The following STXBP4 variants were observed in gnomAD, a reference collection of about 807,000 sequenced individuals.
STXBP4 encodes the protein syntaxin binding protein 4.
Under a neutral mutation model 76.1 loss-of-function variants are expected in STXBP4, and 55 were observed. The observed-to-expected ratio is 0.72, with a 90% confidence interval of 0.58 to 0.91. The LOEUF (loss-of-function observed/expected upper bound fraction) is 0.91. Ranked by LOEUF, STXBP4 falls within the 40% of genes least tolerant of loss-of-function variation. The pLI is 0.00. For synonymous variants in STXBP4, 201 were observed against 220.2 expected (o/e 0.91, Z 0.77); for missense variants, 618 against 636.9 (o/e 0.97, Z 0.32).
chr17:55,129,590 A>G (rs1176095951), intron 16 of STXBP4, among the ~76,000 whole-genome samples: 1 of 152,172 alleles, frequency 6.6e-6, no homozygotes, highest in Non-Finnish European at 1.5e-5. Flanking sequence ...GAAAGAAAAG[A>G]AAAGAAGGAG....
At chr17:55,033,384 T>C (rs1188199948) in intron 9 of STXBP4, among the ~76,000 whole-genome samples, 1 of 151,202 alleles carries the variant, frequency 6.6e-6, no homozygotes, top group Non-Finnish European at 1.5e-5. Context: ...AAAAAATAAA[T>C]AAATAAATAA....
intron 16 of STXBP4, among the ~76,000 whole-genome samples, chr17:55,103,597 A>T (rs1598315491): frequency 1.7e-5 from 2 of 120,796 alleles, no homozygotes; most frequent in African/African-American, 2.8e-5. Flanking sequence ...TTTGCTTAGG[A>T]TTGTCTTGGC....
chr17:54,970,306 G>T (rs931019166), intron 1 of STXBP4, among the ~76,000 whole-genome samples: 1 of 150,070 alleles, frequency 6.7e-6, no homozygotes, highest in African/African-American at 2.5e-5. Flanking sequence ...TTTTTGAAAA[G>T]ATATTGATTA....
rs1350509317 is a variant in STXBP4, at chr17:55,161,439, T to C, written c.*1528T>C. 1 of 152,250 alleles carries C rather than the reference T, an allele frequency of 6.6e-6. No individual in the cohort carries two copies. Among genetic ancestry groups the C allele is most frequent in the Non-Finnish European group, 1.5e-5 (1 of 68,044 alleles). 9.4% of individuals were successfully genotyped at this position (152,250 alleles called of 1,614,324 possible). On this transcript the variant is annotated 3_prime_UTR_variant, in exon 18 of 18. Coordinates refer to ENST00000376352, the MANE Select transcript of STXBP4 (RefSeq NM_178509.6). ...CCCCAGAGGTGAATGAGGTATTCTA[T>C]AAGTTAGTGTCTATAATTGTGAAAG...
At chr17:55,066,492 A>C (rs1422040678) in intron 12 of STXBP4, among the ~76,000 whole-genome samples, 2 of 152,098 alleles carry the variant, frequency 1.3e-5, no homozygotes, top group Non-Finnish European at 2.9e-5. Context: ...TCAAAGTGCT[A>C]GGATTACAGA....
At chr17:55,135,795 T>C (rs1280568147) in intron 16 of STXBP4, among the ~76,000 whole-genome samples, 1 of 152,122 alleles carries the variant, frequency 6.6e-6, no homozygotes, top group Non-Finnish European at 1.5e-5. Context: ...GCACAAATAA[T>C]GGATAATAAT....
intron 12 of STXBP4, among the ~76,000 whole-genome samples, chr17:55,058,491 A>C (rs1349420215): frequency 6.6e-6 from 1 of 152,116 alleles, no homozygotes; most frequent in African/African-American, 2.4e-5. Flanking sequence ...CTTTTTTGAC[A>C]GATGTAAAAG....
At chr17:55,057,726 C>T (rs1180840496) in intron 12 of STXBP4, among the ~76,000 whole-genome samples, 1 of 152,040 alleles carries the variant, frequency 6.6e-6, no homozygotes, top group Admixed American at 6.6e-5. Context: ...CCGACAGGCC[C>T]CAGTGTGTGA....
chr17:55,078,556 A>T (rs1430904251), intron 14 of STXBP4, 130 bp from the exon 15 acceptor site: 2 of 608,108 alleles, frequency 3.3e-6, no homozygotes, highest in Non-Finnish European at 5.8e-6. Context: ...AATTGTTTGC[A>T]CCCCCGCTAC....
At chr17:54,997,056 T>C (rs200061259) in intron 4 of STXBP4, among the ~76,000 whole-genome samples, 2 of 152,328 alleles carry the variant, frequency 1.3e-5, no homozygotes, top group East Asian at 3.9e-4. Flanking sequence ...AACTGCTGAA[T>C]TGGAATCTAG....
chr17:55,015,152 T>G (rs1206782553), intron 8 of STXBP4, among the ~76,000 whole-genome samples: 1 of 152,166 alleles, frequency 6.6e-6, no homozygotes, highest in Admixed American at 6.5e-5. Context: ...TCCCTTAGTC[T>G]CTCCAGAAAG....
chr17:55,202,929 T>C, the STXBP4 span, among the ~76,000 whole-genome samples: 47 of 152,192 alleles, frequency 3.1e-4, no homozygotes, highest in Non-Finnish European at 3.5e-4. Flanking sequence ...TCAGCATTCA[T>C]GTCTCCAGAA....
intron 15 of STXBP4, among the ~76,000 whole-genome samples, chr17:55,080,789 G>C (rs1240110039): frequency 1.3e-5 from 2 of 151,998 alleles, no homozygotes; most frequent in Non-Finnish European, 2.9e-5. Flanking sequence ...AATGATTTAG[G>C]AGACAGGTCA....
At chr17:55,051,680 G>T (rs138114255) in intron 12 of STXBP4, among the ~76,000 whole-genome samples, 1 of 152,152 alleles carries the variant, frequency 6.6e-6, no homozygotes, top group African/African-American at 2.4e-5. Flanking sequence ...ATGGCTTGAG[G>T]CCACAGTGTG....
intron 4 of STXBP4, among the ~76,000 whole-genome samples, chr17:54,994,709 G>T (rs757742857): frequency 3.3e-5 from 5 of 151,986 alleles, no homozygotes; most frequent in South Asian, 2.1e-4. Flanking sequence ...TGCCTGCAAG[G>T]TTCCATATAG....
chr17:55,106,056 T>A (rs1043601005), intron 16 of STXBP4, among the ~76,000 whole-genome samples: 1 of 152,118 alleles, frequency 6.6e-6, no homozygotes. Flanking sequence ...GAGAGTGGGA[T>A]GTTAAAGTCT....
intron 12 of STXBP4, among the ~76,000 whole-genome samples, chr17:55,059,942 G>C (rs560472396): frequency 6.6e-6 from 1 of 152,238 alleles, no homozygotes; most frequent in African/African-American, 2.4e-5. Context: ...TTGTAGTTTA[G>C]TGACTGAGAG....
intron 1 of STXBP4, among the ~76,000 whole-genome samples, chr17:54,984,283 C>T (rs1381484933): frequency 6.6e-6 from 1 of 151,082 alleles, no homozygotes; most frequent in Non-Finnish European, 1.5e-5. Flanking sequence ...TTTGTTCTCC[C>T]TAGAACTTTT....
chr17:55,038,576 A>G (rs570111135), intron 10 of STXBP4, among the ~76,000 whole-genome samples: 1 of 152,076 alleles, frequency 6.6e-6, no homozygotes, highest in Admixed American at 6.6e-5. Flanking sequence ...CCAAAAATAT[A>G]ATTATCTTAC....
Sources: gnomAD v4.1 joint callset for allele counts (sites outside exome capture counted in the v4.1 genomes callset) on GRCh38, gnomAD v4.1.1 for gene constraint, MANE v1.5 for transcripts, NCBI Gene and HGNC (gene_info 2026-07-23, HGNC 2026-07-21) for gene names.